BMP8B: variants seen among roughly 807,000 people sequenced by gnomAD.
The protein encoded by BMP8B is bone morphogenetic protein 8 (osteogenic protein 2).
A neutral mutation model predicts 30.3 loss-of-function variants in BMP8B; 17 were observed. The observed-to-expected ratio is 0.56, with a 90% CI of 0.38 to 0.84. BMP8B has a LOEUF of 0.84. Among genes scored for constraint, BMP8B ranks in the 40% least tolerant of loss-of-function variants. BMP8B has a pLI of 0.00. For missense variants in BMP8B, 253 were observed against 494.6 expected (o/e 0.51, Z 4.63); for synonymous variants, 131 against 214.7 (o/e 0.61, Z 3.41).
intron 6 of BMP8B, among the ~76,000 whole-genome samples, chr1:39,761,608 C>T (rs1648990006): frequency 1.3e-5 from 2 of 152,262 alleles, no homozygotes; most frequent in East Asian, 3.9e-4. Flanking sequence ...GTGTCACCTC[C>T]CTCCGCCCTC....
intron 1 of BMP8B, among the ~76,000 whole-genome samples, chr1:39,786,198 C>T (rs1015197856): frequency 2.0e-5 from 3 of 152,230 alleles, no homozygotes; most frequent in African/African-American, 7.2e-5. Flanking sequence ...ACTTTTCATT[C>T]TAAAAACAGG....
chr1:39,767,017 G>A (rs1649663235), intron 3 of BMP8B, among the ~76,000 whole-genome samples: 1 of 152,266 alleles, frequency 6.6e-6, no homozygotes, highest in Admixed American at 6.5e-5. Context: ...CCTGCCATGG[G>A]GCCTGAGAGG....
chr1:39,776,005 C>T (rs1179527791), intron 1 of BMP8B, among the ~76,000 whole-genome samples: 83 of 152,240 alleles, frequency 5.5e-4, no homozygotes, highest in African/African-American at 1.7e-3. Context: ...ATGTTGGGGA[C>T]GGCACATGAG....
intron 1 of BMP8B, among the ~76,000 whole-genome samples, chr1:39,782,551 T>G (rs1650716630): frequency 6.6e-6 from 1 of 152,022 alleles, no homozygotes. Flanking sequence ...CACTGCAACC[T>G]CCACCTCTTG....
intron 3 of BMP8B, chr1:39,771,158 G>C (rs1326677522): frequency 1.3e-6 from 2 of 1,553,148 alleles, no homozygotes; most frequent in Middle Eastern, 2.3e-4. Context: ...GGGACTGGTG[G>C]CAAAGCAGCG....
rs374321916 is a variant in BMP8B, at chr1:39,762,727, C to G, written c.1059+365G>C. ...CGGTCAGACTTGCCAGCGTACTCGG[C>G]GGCCCGTGTGCTAAGATCACACAGC... On this transcript the variant is annotated intron_variant, in intron 6 of 6. Transcript: ENST00000372827. The G allele has an allele frequency of 1.0e-3, 1,470 of 1,426,802 alleles. 9 individuals carry two copies. In the African/African-American group the frequency reaches 0.017, roughly 16 times the overall value. The allele number at this position is 1,426,802 out of a possible 1,614,324, so 88.4% of individuals were successfully genotyped here.
At position 39,787,848 on chromosome 1, in the gene BMP8B, T is replaced by TC. The variant is rs557494123; in HGVS notation, c.334+303dup. ...CTGTCTCCCCAGGACCAGGCTGTCTTCCCGGGGCAGCCCAGGTGGGCAAAG... is the reference window on the plus strand; with the variant it reads ...CTGTCTCCCCAGGACCAGGCTGTCTTCCCCGGGGCAGCCCAGGTGGGCAAAG... On this transcript the variant is annotated intron_variant, in intron 1 of 6. Coordinates refer to ENST00000372827, the MANE Select transcript of BMP8B (RefSeq NM_001720.5). Among the ~76,000 whole-genome samples, 635 of 152,326 alleles carry TC rather than the reference T, an allele frequency of 4.2e-3. 7 individuals are homozygous for TC. The highest frequency in any genetic ancestry group is 0.015 in the African/African-American group (613 of 41,570).
rs753502658 is a variant in BMP8B, at chr1:39,770,418, C to G, written c.673+3890G>C. ...TCCTCTTTCAGGATCGTTAAGCGCT[C>G]AATTCGTTTCTCGTATTTCTGCCCC... On this transcript the variant is annotated intron_variant, in intron 3 of 6. Coordinates refer to ENST00000372827, the MANE Select transcript of BMP8B (RefSeq NM_001720.5). The G allele has an allele frequency of 6.2e-6, 10 of 1,607,864 alleles. No homozygotes were observed. The highest frequency in any genetic ancestry group is 1.4e-5 in the African/African-American group (1 of 72,024).
At chr1:39,785,707 A>G (rs11580725) in intron 1 of BMP8B, among the ~76,000 whole-genome samples, 1 of 152,098 alleles carries the variant, frequency 6.6e-6, no homozygotes, top group East Asian at 1.9e-4. Flanking sequence ...TGCCCACATG[A>G]CTGTAATCTC....
Position 39,770,344 on chromosome 1 carries a change from T to G in BMP8B, c.673+3964A>C, listed in dbSNP as rs747554507. ...CGTCCTCAAATTCCAGAGCTGCGCG[T>G]CTGATGATGCGCGTCCTGGCGTCCT... On this transcript the variant is annotated intron_variant, in intron 3 of 6. Coordinates refer to ENST00000372827, the MANE Select transcript of BMP8B (RefSeq NM_001720.5). The G allele has an allele frequency of 9.4e-6, 15 of 1,591,906 alleles. 1 individual carries two copies. Among genetic ancestry groups the G allele is most frequent in the Non-Finnish European group, 1.2e-5 (14 of 1,174,358 alleles).
At chr1:39,778,464 T>A (rs1440547799) in intron 1 of BMP8B, among the ~76,000 whole-genome samples, 1 of 151,194 alleles carries the variant, frequency 6.6e-6, no homozygotes, top group African/African-American at 2.4e-5. Context: ...AGGGCGGGAC[T>A]CATGACCTGT....
intron 1 of BMP8B, among the ~76,000 whole-genome samples, chr1:39,786,630 C>T (rs868472747): frequency 2.6e-5 from 4 of 152,142 alleles, no homozygotes; most frequent in Non-Finnish European, 2.9e-5. Flanking sequence ...CATTCTTGGA[C>T]GACTCCATCC....
chr1:39,764,120 C>T (rs1201725347), intron 4 of BMP8B, among the ~76,000 whole-genome samples: 1 of 151,904 alleles, frequency 6.6e-6, no homozygotes, highest in East Asian at 1.9e-4. Flanking sequence ...CCTGTGACTC[C>T]AGCCCACCCT....
chr1:39,771,047 G>C, intron 3 of BMP8B: 4 of 1,523,946 alleles, frequency 2.6e-6, no homozygotes, highest in Non-Finnish European at 3.5e-6. Context: ...CAGGTTCTCG[G>C]GGATCCCGCA....
At chr1:39,766,224 G>A (rs546046592) in intron 3 of BMP8B, among the ~76,000 whole-genome samples, 100 of 146,142 alleles carry the variant, frequency 6.8e-4, no homozygotes, top group Admixed American at 6.3e-3. Flanking sequence ...TCTTCACTCC[G>A]TGCATGGGTG....
chr1:39,769,699 C>T (rs779338395), intron 3 of BMP8B: 9 of 1,604,136 alleles, frequency 5.6e-6, no homozygotes, highest in Admixed American at 3.4e-5. Flanking sequence ...GATCCAGGTC[C>T]CGTCAGGGTG....
chr1:39,757,483 A>G lies in BMP8B; in HGVS notation c.*2936T>C, dbSNP rs1360626639. On this transcript the variant is annotated 3_prime_UTR_variant, in exon 7 of 7. Transcript: ENST00000372827. ...CCAGAACATGTTACTTCCCTGCCTCAGTTAGAAGTTAGTGACTACGAATCC... is the reference window on the plus strand; with the variant it reads ...CCAGAACATGTTACTTCCCTGCCTCGGTTAGAAGTTAGTGACTACGAATCC... 6.6e-6 allele frequency: 1 copy of G among 152,232 alleles called. No homozygotes were observed. Among genetic ancestry groups the G allele is most frequent in the Non-Finnish European group, 1.5e-5 (1 of 68,038 alleles). The allele number at this position is 152,232 out of a possible 1,614,324, so 9.4% of individuals were successfully genotyped here.
chr1:39,778,745 G>A (rs1294381026), intron 1 of BMP8B, among the ~76,000 whole-genome samples: 3 of 152,208 alleles, frequency 2.0e-5, no homozygotes, highest in South Asian at 2.1e-4. Context: ...CAAGAAAGAC[G>A]CAATTCCTCC....
rs773034849 is a variant in BMP8B at position 39,788,216 on chromosome 1, C to G, written c.270G>C (p.Glu90Asp). The G allele has an allele frequency of 6.4e-7, 1 of 1,572,850 alleles. No individual in the cohort carries two copies. The highest frequency in any genetic ancestry group is 8.6e-7 in the Non-Finnish European group (1 of 1,169,024). The change falls in exon 1 of 7, where the codon GAG (glutamate) becomes GAC (aspartate). Residue 90 changes from glutamate (E) to aspartate (D), a missense_variant. Around this residue, in one of 7 missense-constraint regions of BMP8B, gnomAD observed 52 missense variants for 68.3 expected, o/e 0.76. Coordinates refer to ENST00000372827, the MANE Select transcript of BMP8B (RefSeq NM_001720.5). The surrounding 1 kb of genome is among the most constrained non-coding windows in gnomAD (Gnocchi z 5.8). ...GGCGCCGCTCCGCGGGCGCGCCGTC[C>G]TCGTCGTCGTCGCCGGCCATGGCGT... Reference protein sequence around the residue: ...LYHAMAGDDDEDGAPAERRLG... With the variant: ...LYHAMAGDDDDDGAPAERRLG...
Sources: gnomAD v4.1 joint callset for allele counts (sites outside exome capture counted in the v4.1 genomes callset) on GRCh38, gnomAD v4.1.1 for gene constraint, gnomAD v4.1.1 regional missense constraint, Gnocchi (gnomAD v3.1) non-coding constraint, MANE v1.5 for transcripts, NCBI Gene and HGNC (gene_info 2026-07-23, HGNC 2026-07-21) for gene names.